NUDT3: variants seen among roughly 807,000 people sequenced by gnomAD.
The protein encoded by NUDT3 is diphosphoinositol polyphosphate phosphohydrolase 1.
Under a neutral mutation model 23.6 loss-of-function variants are expected in NUDT3, and 9 were observed. The ratio of observed to expected loss-of-function variants is 0.38; its 90% confidence interval spans 0.23 to 0.66. NUDT3 has a LOEUF of 0.66. NUDT3 is among the 30% of genes least tolerant of loss of function. The probability of loss-of-function intolerance (pLI) is 0.52; values close to 1 mark genes in which losing one functional copy is unlikely to be tolerated. For synonymous variants in NUDT3, 86 were observed against 82.6 expected, an observed-to-expected ratio of 1.04 and a Z score of -0.22; for missense variants, 172 against 218.5, an observed-to-expected ratio of 0.79 and a Z score of 1.34.
chr6:34,323,852 T>C (rs1179493898), intron 2 of NUDT3, among the ~76,000 whole-genome samples: 2 of 152,336 alleles, frequency 1.3e-5, no homozygotes, highest in Non-Finnish European at 2.9e-5. Flanking sequence ...TTTTCATGAC[T>C]GAAAAGTTCA....
chr6:34,314,151 G>A (rs548423153), intron 2 of NUDT3, among the ~76,000 whole-genome samples: 4 of 151,660 alleles, frequency 2.6e-5, no homozygotes, highest in South Asian at 4.2e-4. Context: ...GGCTGGGGGC[G>A]GTGGCTCATG....
intron 2 of NUDT3, among the ~76,000 whole-genome samples, chr6:34,318,307 A>C (rs1446939741): frequency 6.6e-6 from 1 of 152,192 alleles, no homozygotes; most frequent in Non-Finnish European, 1.5e-5. Flanking sequence ...GTTGTAAAAA[A>C]ATTTTTTAAA....
intron 1 of NUDT3, among the ~76,000 whole-genome samples, chr6:34,357,781 A>C (rs907945840): frequency 4.6e-5 from 7 of 152,300 alleles, no homozygotes; most frequent in Middle Eastern, 3.4e-3. Context: ...TATGTCTTCT[A>C]ATCCATAAGC....
At chr6:34,391,981 G>A (rs1046850481) in intron 1 of NUDT3, among the ~76,000 whole-genome samples, 1 of 152,144 alleles carries the variant, frequency 6.6e-6, no homozygotes, top group African/African-American at 2.4e-5. Context: ...TCCCGCGGCC[G>A]CTCTCCCCGG....
intron 2 of NUDT3, among the ~76,000 whole-genome samples, chr6:34,300,504 A>G (rs1763582918): frequency 6.6e-6 from 1 of 152,230 alleles, no homozygotes; most frequent in Admixed American, 6.5e-5. Flanking sequence ...ACAGCTCCTT[A>G]GAGGCTGTCT....
At chr6:34,329,655 A>AT (rs958915368) in intron 2 of NUDT3, among the ~76,000 whole-genome samples, 11 of 151,906 alleles carry the variant, frequency 7.2e-5, no homozygotes, top group African/African-American at 1.4e-4. Context: ...TTAAAAAAAA[A>AT]TTTTTTTTTA....
At chr6:34,305,862 C>T (rs879933594) in intron 2 of NUDT3, among the ~76,000 whole-genome samples, 9 of 152,150 alleles carry the variant, frequency 5.9e-5, no homozygotes, top group Non-Finnish European at 1.3e-4. Context: ...TCTAATTCTA[C>T]TGCATTCTAT....
intron 1 of NUDT3, among the ~76,000 whole-genome samples, chr6:34,366,473 A>AAGGAAGGGAGGGAGGGAGGGAGGGAGGG (rs1222360899): frequency 6.7e-5 from 2 of 29,782 alleles, no homozygotes; most frequent in African/African-American, 1.5e-4. Flanking sequence ...AGAGAGAGGG[A>AAGGAAGGGAGGGAGGGAGGGAGGGAGGG]AGGGAGGGAG....
rs182337038 is a variant in NUDT3 at position 34,348,334 on chromosome 6, T to C, written c.100-6362A>G. Among the ~76,000 whole-genome samples the C allele has an allele frequency of 4.5e-4, 67 of 147,876 alleles. 1 individual carries two copies. The highest frequency in any genetic ancestry group is 2.2e-3 in the Admixed American group (33 of 14,856). On this transcript the variant is annotated intron_variant, in intron 1 of 4. Coordinates refer to ENST00000607016, the MANE Select transcript of NUDT3 (RefSeq NM_006703.4). ...AAACCGCCCCCCACCAAAAAAAAAA[T>C]AGCCAGGCGTGGTGGTGCATATTTA...
At chr6:34,368,554 G>A (rs1417927064) in intron 1 of NUDT3, among the ~76,000 whole-genome samples, 1 of 152,194 alleles carries the variant, frequency 6.6e-6, no homozygotes, top group Non-Finnish European at 1.5e-5. Context: ...CAGTATAGAT[G>A]AATCTCAGAC....
intron 2 of NUDT3, among the ~76,000 whole-genome samples, chr6:34,337,894 C>A (rs1764232067): frequency 6.6e-6 from 1 of 152,232 alleles, no homozygotes. Context: ...GAATACACAA[C>A]TGCATGGTCA....
chr6:34,343,367 T>A (rs1180823757), intron 1 of NUDT3, among the ~76,000 whole-genome samples: 4 of 142,036 alleles, frequency 2.8e-5, no homozygotes, highest in Non-Finnish European at 6.0e-5. Context: ...CTGGGCAACA[T>A]GATGAGACCT....
chr6:34,295,957 AG>A (rs1192276257), intron 2 of NUDT3, among the ~76,000 whole-genome samples: 2 of 152,140 alleles, frequency 1.3e-5, no homozygotes, highest in Admixed American at 1.3e-4. Flanking sequence ...CAAGATCATC[AG>A]GCCATGAAGC....
intron 2 of NUDT3, among the ~76,000 whole-genome samples, chr6:34,338,988 C>G (rs946450449): frequency 6.6e-6 from 1 of 152,186 alleles, no homozygotes. Context: ...GTTCCAAGAA[C>G]AATTCTTAAA....
intron 1 of NUDT3, among the ~76,000 whole-genome samples, chr6:34,366,432 A>G (rs946587270): frequency 4.5e-5 from 6 of 133,758 alleles, no homozygotes; most frequent in Non-Finnish European, 6.3e-5. Context: ...AAGAGAGAGA[A>G]AGAGAGAGAG....
intron 1 of NUDT3, among the ~76,000 whole-genome samples, chr6:34,354,761 T>G: frequency 7.5e-6 from 1 of 133,608 alleles, no homozygotes; most frequent in Non-Finnish European, 1.7e-5. Context: ...ATTTATTTAC[T>G]TTATATTTGT....
intron 2 of NUDT3, among the ~76,000 whole-genome samples, chr6:34,336,512 T>C (rs995377372): frequency 5.9e-5 from 9 of 152,210 alleles, no homozygotes; most frequent in Admixed American, 2.0e-4. Flanking sequence ...TCCCATTCTG[T>C]AGACTGTCTC....
intron 2 of NUDT3, among the ~76,000 whole-genome samples, chr6:34,338,742 C>A (rs939166586): frequency 1.3e-5 from 2 of 152,186 alleles, no homozygotes; most frequent in Non-Finnish European, 2.9e-5. Context: ...ACACTCTTCT[C>A]TAGAGGGGGA....
At chr6:34,356,055 T>C (rs752378738) in intron 1 of NUDT3, among the ~76,000 whole-genome samples, 14 of 152,156 alleles carry the variant, frequency 9.2e-5, no homozygotes, top group Admixed American at 7.2e-4. Context: ...GAAGGGACTG[T>C]GTATTTTAAA....
Sources: gnomAD v4.1 joint callset for allele counts (sites outside exome capture counted in the v4.1 genomes callset) on GRCh38, gnomAD v4.1.1 for gene constraint, MANE v1.5 for transcripts, NCBI Gene and HGNC (gene_info 2026-07-23, HGNC 2026-07-21) for gene names.